Variants in ARHGAP6 observed in about 807,000 individuals in gnomAD.
ARHGAP6 encodes rho GTPase-activating protein 6.
ARHGAP6 carries 16 observed loss-of-function variants against 55.7 expected under a neutral mutation model. That is an observed-to-expected ratio of 0.29 (90% CI 0.19 to 0.44). ARHGAP6 has a LOEUF of 0.44. Ranked by LOEUF, ARHGAP6 falls within the 20% of genes least tolerant of loss-of-function variation. ARHGAP6 has a pLI of 1.00. For missense variants in ARHGAP6, 698 were observed against 808.9 expected (o/e 0.86, Z 1.66); for synonymous variants, 382 against 360.9 (o/e 1.06, Z -0.66).
In ARHGAP6 at chrX:11,467,188, C is replaced by T. The variant is rs2050301774; in HGVS notation, c.588+197053G>A. 4.5e-5 allele frequency among the ~76,000 whole-genome samples: 5 copies of T among 111,271 alleles called. No homozygotes were observed. The South Asian group carries it at 1.9e-3, about 42-fold the overall frequency. ...GCATGGTGGCTCATGCCTCTAACCCCAACACTTTGGGAGGCCTAGGCGGGA... is the reference window on the plus strand; with the variant it reads ...GCATGGTGGCTCATGCCTCTAACCCTAACACTTTGGGAGGCCTAGGCGGGA... On this transcript the variant is annotated intron_variant, in intron 1 of 12. Transcript: ENST00000337414.
intron 1 of ARHGAP6, among the ~76,000 whole-genome samples, chrX:11,551,461 T>C (rs1296157129): frequency 1.8e-5 from 2 of 111,290 alleles, no homozygotes; most frequent in Non-Finnish European, 3.8e-5. Context: ...TATTAACCCA[T>C]GTTAATAATG....
chrX:11,519,009 C>A (rs2050881818), intron 1 of ARHGAP6, among the ~76,000 whole-genome samples: 1 of 96,055 alleles, frequency 1.0e-5, no homozygotes, highest in Non-Finnish European at 2.0e-5. Flanking sequence ...GTATATGTGC[C>A]ACATTTTCTT....
intron 1 of ARHGAP6, among the ~76,000 whole-genome samples, chrX:11,473,536 G>C (rs775491127): frequency 3.6e-4 from 40 of 111,352 alleles, no homozygotes; most frequent in Admixed American, 1.5e-3. Flanking sequence ...TGACAATGGA[G>C]GCAGAGACTG....
intron 1 of ARHGAP6, among the ~76,000 whole-genome samples, chrX:11,662,300 G>A (rs1252597223): frequency 8.9e-6 from 1 of 111,792 alleles, no homozygotes; most frequent in Non-Finnish European, 1.9e-5. Flanking sequence ...AGATCCAAGG[G>A]TTATGTTAGG....
At chrX:11,646,254 A>G (rs1229729261) in intron 1 of ARHGAP6, among the ~76,000 whole-genome samples, 1 of 111,647 alleles carries the variant, frequency 9.0e-6, no homozygotes, top group Admixed American at 9.5e-5. Flanking sequence ...CATGGGTATT[A>G]CAGGTCTCTC....
intron 1 of ARHGAP6, among the ~76,000 whole-genome samples, chrX:11,512,539 G>A (rs1338597576): frequency 9.0e-6 from 1 of 111,010 alleles, no homozygotes; most frequent in Non-Finnish European, 1.9e-5. Flanking sequence ...ATCTGAGCAG[G>A]CCTTGTGTGT....
intron 1 of ARHGAP6, among the ~76,000 whole-genome samples, chrX:11,337,073 C>T (rs1010192247): frequency 1.8e-5 from 2 of 110,340 alleles, no homozygotes; most frequent in Admixed American, 9.6e-5. Flanking sequence ...TAATGGGTTC[C>T]GAGATTGCAT....
chrX:11,525,968 A>T (rs1054140179), intron 1 of ARHGAP6, among the ~76,000 whole-genome samples: 2 of 111,924 alleles, frequency 1.8e-5, no homozygotes, highest in East Asian at 5.6e-4. Flanking sequence ...GAAAAGTAAC[A>T]GAGAGCTAAT....
intron 1 of ARHGAP6, among the ~76,000 whole-genome samples, chrX:11,276,618 AATGCAGGTATGAC>A (rs2047770527): frequency 8.9e-6 from 1 of 111,737 alleles, no homozygotes; most frequent in South Asian, 3.7e-4. Flanking sequence ...TATGACACCA[AATGCAGGTATGAC>A]GTGAAAACAA....
intron 8 of ARHGAP6, 92 bp from the exon 9 acceptor site, chrX:11,169,776 T>C (rs905397097): frequency 1.3e-5 from 9 of 703,954 alleles, no homozygotes; most frequent in Non-Finnish European, 1.6e-5. Context: ...TACTCTCCTT[T>C]TTTTTTTTTA....
intron 1 of ARHGAP6, among the ~76,000 whole-genome samples, chrX:11,356,782 T>C (rs961823727): frequency 8.9e-6 from 1 of 112,138 alleles, no homozygotes; most frequent in Non-Finnish European, 1.9e-5. Flanking sequence ...TATGTTTTGA[T>C]ATATGTACCT....
In ARHGAP6 at chrX:11,212,328, T is replaced by C. The variant is rs754032058; in HGVS notation, c.749-15332A>G. Among the ~76,000 whole-genome samples the C allele has an allele frequency of 6.3e-5, 7 of 111,968 alleles. 1 individual carries two copies. The highest frequency in any genetic ancestry group is 4.6e-3 in the Middle Eastern group (1 of 216). On this transcript the variant is annotated intron_variant, in intron 2 of 12. Coordinates refer to ENST00000337414, the MANE Select transcript of ARHGAP6 (RefSeq NM_013427.3). ...GGCTAATAATTTTCTATGTTTCTAATTGGGGAGAAGTTTCAGGAACTCTGC... is the reference window on the plus strand; with the variant it reads ...GGCTAATAATTTTCTATGTTTCTAACTGGGGAGAAGTTTCAGGAACTCTGC...
Position 11,491,503 on chromosome X carries a change from G to T in ARHGAP6, c.588+172738C>A, listed in dbSNP as rs765044718. On this transcript the variant is annotated intron_variant, in intron 1 of 12. Transcript: ENST00000337414. ...CTTGCGATAGTTTACTGAGAATGAT[G>T]ATTTCCAATTTCATCCATGTCCCTA... Among the ~76,000 whole-genome samples, 854 of 111,288 alleles carry T rather than the reference G, an allele frequency of 7.7e-3. 3 individuals are homozygous for T. Among genetic ancestry groups the T allele is most frequent in the South Asian group, 0.027 (71 of 2,603 alleles).
intron 10 of ARHGAP6, among the ~76,000 whole-genome samples, chrX:11,145,892 C>G (rs58364835): frequency 1.0e-3 from 115 of 112,442 alleles, no homozygotes; most frequent in African/African-American, 3.6e-3. Flanking sequence ...TAAAGAATCC[C>G]TCCAGGTGAT....
chrX:11,516,420 C>T (rs926726803), intron 1 of ARHGAP6, among the ~76,000 whole-genome samples: 8 of 111,898 alleles, frequency 7.1e-5, no homozygotes, highest in African/African-American at 2.6e-4. Flanking sequence ...CCTCCCTCTC[C>T]CCAGCCTTTG....
chrX:11,591,062 G>T (rs1215401929), intron 1 of ARHGAP6, among the ~76,000 whole-genome samples: 1 of 107,942 alleles, frequency 9.3e-6, no homozygotes, highest in African/African-American at 3.4e-5. Flanking sequence ...CGTGGTGGCG[G>T]GCGCCTGTAG....
Position 11,276,173 on chromosome X carries a change from G to T in ARHGAP6, c.589-21466C>A, listed in dbSNP as rs930251209. Among the ~76,000 whole-genome samples the T allele has an allele frequency of 3.1e-3, 341 of 111,201 alleles. 3 individuals carry two copies. The highest frequency in any genetic ancestry group is 0.011 in the African/African-American group (330 of 30,592). On this transcript the variant is annotated intron_variant, in intron 1 of 12. Transcript: ENST00000337414. ...AGCTATTTTTCCAGAAAACTCTAACGTCACCGATACGTCCCTCCTATGTAA... is the reference window on the plus strand; with the variant it reads ...AGCTATTTTTCCAGAAAACTCTAACTTCACCGATACGTCCCTCCTATGTAA...
chrX:11,330,291 G>C (rs902259962), intron 1 of ARHGAP6, among the ~76,000 whole-genome samples: 1 of 112,623 alleles, frequency 8.9e-6, no homozygotes, highest in South Asian at 3.6e-4. Context: ...ATTACAGAGA[G>C]TAAATTTCAA....
In ARHGAP6 at chrX:11,305,258, G is replaced by A. The variant is rs753174739; in HGVS notation, c.589-50551C>T. On this transcript the variant is annotated intron_variant, in intron 1 of 12. Coordinates refer to ENST00000337414, the MANE Select transcript of ARHGAP6 (RefSeq NM_013427.3). ...TGCAAAATAAAGAAAGTGCTGTCCC[G>A]TGATTAAGTCAGCTAATGTCTCTAA... Among the ~76,000 whole-genome samples, 13 of 111,467 alleles carry A rather than the reference G, an allele frequency of 1.2e-4. No individual in the cohort carries two copies. In the South Asian group the frequency reaches 3.0e-3, roughly 26 times the overall value.
Sources: gnomAD v4.1 joint callset for allele counts (sites outside exome capture counted in the v4.1 genomes callset) on GRCh38, gnomAD v4.1.1 for gene constraint, MANE v1.5 for transcripts, NCBI Gene and HGNC (gene_info 2026-07-23, HGNC 2026-07-21) for gene names.